Variants in SCPEP1 observed in about 807,000 individuals in gnomAD.
The protein encoded by SCPEP1 is retinoid-inducible serine carboxypeptidase.
A neutral mutation model predicts 63.8 loss-of-function variants in SCPEP1; 51 were observed. The observed-to-expected ratio is 0.80, with a 90% CI of 0.64 to 1.01. The LOEUF (loss-of-function observed/expected upper bound fraction) is 1.01. SCPEP1 is among the 50% of genes least tolerant of loss of function. SCPEP1 has a pLI of 0.00. For synonymous variants in SCPEP1, 204 were observed against 207.8 expected, an observed-to-expected ratio of 0.98 and a Z score of 0.16; for missense variants, 499 against 554.9, an observed-to-expected ratio of 0.90 and a Z score of 1.01.
intron 5 of SCPEP1, among the ~76,000 whole-genome samples, chr17:56,990,450 C>T (rs956012547): frequency 6.6e-6 from 1 of 152,096 alleles, no homozygotes; most frequent in African/African-American, 2.4e-5. Flanking sequence ...CTTCACCTTC[C>T]CACCTGATGG....
chr17:56,997,295 C>T (rs1567868548), intron 9 of SCPEP1, among the ~76,000 whole-genome samples: 1 of 152,166 alleles, frequency 6.6e-6, no homozygotes, highest in Non-Finnish European at 1.5e-5. Context: ...TTCTCATTCC[C>T]ACTCCCAGCC....
At chr17:56,995,777 T>C (rs1695484534) in intron 8 of SCPEP1, 142 bp downstream of exon 8, 1 of 937,718 alleles carries the variant, frequency 1.1e-6, no homozygotes, top group Admixed American at 3.4e-5. Context: ...ATAATAAATC[T>C]CTTGGGTCTA....
chr17:56,987,717 T>C lies in SCPEP1; in HGVS notation c.338T>C (p.Phe113Ser). Residue 113 changes from phenylalanine (F) to serine (S), a missense_variant, in exon 4 of 13, where the codon TTT becomes TCT. By Grantham distance (155) the Phe-to-Ser change is radical. Transcript: ENST00000262288. ...TAGCTCCAGGCTGCCAGTCTCCTAT[T>C]TGTGGATAATCCCGTGGGCACTGGG... ...TTWLQAASLLFVDNPVGTGFS... is the reference protein window; with the variant it reads ...TTWLQAASLLSVDNPVGTGFS... 6.2e-7 allele frequency: 1 copy of C among 1,613,936 alleles called. No individual in the cohort carries two copies. Among genetic ancestry groups the C allele is most frequent in the Non-Finnish European group, 8.5e-7 (1 of 1,179,960 alleles).
chr17:56,984,632 T>A (rs1245509453), intron 2 of SCPEP1: 1 of 152,292 alleles, frequency 6.6e-6, no homozygotes, highest in Non-Finnish European at 1.5e-5. Flanking sequence ...CAGAATCTGC[T>A]TGATCAAACT....
intron 11 of SCPEP1, among the ~76,000 whole-genome samples, chr17:57,001,470 C>G (rs943516186): frequency 6.6e-6 from 1 of 152,264 alleles, no homozygotes; most frequent in South Asian, 2.1e-4. Context: ...TTGCTCACTT[C>G]CAAATTAAAT....
chr17:56,987,977 C>T, intron 4 of SCPEP1, 127 bp downstream of exon 4: 1 of 1,096,614 alleles, frequency 9.1e-7, no homozygotes, highest in Non-Finnish European at 1.3e-6. Context: ...TTTTAATTCC[C>T]AAGATTGGGT....
chr17:56,982,464 T>C (rs2144467711), intron 2 of SCPEP1, among the ~76,000 whole-genome samples: 1 of 152,312 alleles, frequency 6.6e-6, no homozygotes, highest in Admixed American at 6.5e-5. Context: ...GAGCTGAGGC[T>C]CAGCCCCAGG....
chr17:56,987,838 CA>C lies in SCPEP1; in HGVS notation c.462del (p.Glu155AsnfsTer24). ...VLLKTFFSCH[K>X]EFQTVPFYIF... ...TCCTGAAGACCTTCTTCAGTTGCCA[CA>C]AAGAATTCCAGGTAAGCAAAGACTC... On this transcript the variant is annotated frameshift_variant, in exon 4 of 13. Coordinates refer to ENST00000262288, the MANE Select transcript of SCPEP1 (RefSeq NM_021626.3). LOFTEE classifies it high-confidence loss of function. 6.2e-7 allele frequency: 1 copy of C among 1,613,996 alleles called. No individual in the cohort carries two copies.
At chr17:57,006,118 C>A in intron 12 of SCPEP1, 55 bp from the exon 13 acceptor site, 1 of 1,461,540 alleles carries the variant, frequency 6.8e-7, no homozygotes, top group Non-Finnish European at 9.4e-7. Context: ...TTGCCTCTGA[C>A]CCCAGCCCCA....
intron 12 of SCPEP1, 134 bp downstream of exon 12, chr17:57,002,315 C>T (rs1342907737): frequency 4.5e-5 from 36 of 807,608 alleles, no homozygotes; most frequent in Admixed American, 1.7e-4. Flanking sequence ...TACAGTGGCT[C>T]ATGCCTGTAA....
At chr17:57,002,262 C>T in intron 12 of SCPEP1, 81 bp downstream of exon 12, 2 of 1,406,606 alleles carry the variant, frequency 1.4e-6, no homozygotes, top group African/African-American at 1.4e-5. Context: ...CTGTCCACTG[C>T]CCAGGTGGGT....
intron 7 of SCPEP1, 62 bp from the exon 8 acceptor site, chr17:56,995,445 A>G: frequency 6.4e-7 from 1 of 1,570,136 alleles, no homozygotes; most frequent in South Asian, 1.2e-5. Flanking sequence ...CCCTAACTGC[A>G]GCAATACCAG....
At chr17:56,982,898 A>T (rs1026277456) in intron 2 of SCPEP1, 2 of 152,142 alleles carry the variant, frequency 1.3e-5, no homozygotes, top group Non-Finnish European at 2.9e-5. Context: ...AAGAAGAAAG[A>T]TTATGCTTAC....
rs187893279 is a variant in SCPEP1, at chr17:57,003,666, G to A, written c.1296+1485G>A. Among the ~76,000 whole-genome samples the A allele has an allele frequency of 1.5e-4, 23 of 152,272 alleles. 1 individual carries two copies. The East Asian group carries it at 3.5e-3, about 23-fold the overall frequency. On this transcript the variant is annotated intron_variant, in intron 12 of 12. Coordinates refer to ENST00000262288, the MANE Select transcript of SCPEP1 (RefSeq NM_021626.3). Reference sequence around the variant, plus strand: ...AAGTGAGAAGGGAGACCAGGGATGCGTGGCATCCCCAAAGCAGGGAGGGGC... The same window carrying A: ...AAGTGAGAAGGGAGACCAGGGATGCATGGCATCCCCAAAGCAGGGAGGGGC...
chr17:57,002,277 T>C (rs2144509811), intron 12 of SCPEP1, 96 bp downstream of exon 12: 1 of 1,302,544 alleles, frequency 7.7e-7, no homozygotes, highest in Non-Finnish European at 1.1e-6. Flanking sequence ...GTGGGTCTTG[T>C]AGGAAGTACG....
intron 10 of SCPEP1, among the ~76,000 whole-genome samples, chr17:56,999,112 A>G (rs1198103271): frequency 6.6e-6 from 1 of 152,158 alleles, no homozygotes; most frequent in Non-Finnish European, 1.5e-5. Flanking sequence ...CTTTCTATCC[A>G]TTTGAAATTT....
intron 6 of SCPEP1, among the ~76,000 whole-genome samples, chr17:56,993,723 A>G (rs1486634369): frequency 1.3e-5 from 2 of 152,214 alleles, no homozygotes; most frequent in Non-Finnish European, 2.9e-5. Flanking sequence ...CTGGGATTAC[A>G]GGCGTGAGCC....
chr17:57,005,795 C>A (rs535048304), intron 12 of SCPEP1, among the ~76,000 whole-genome samples: 1 of 152,310 alleles, frequency 6.6e-6, no homozygotes, highest in South Asian at 2.1e-4. Flanking sequence ...ATTCTCAATC[C>A]GGGATCCCTT....
rs1424039922 is a variant in SCPEP1 at position 57,006,214 on chromosome 17, A to G, written c.1338A>G (p.Arg446=). Residue 446 remains arginine (R), a synonymous_variant, in exon 13 of 13, where the codon AGA becomes AGG. Coordinates refer to ENST00000262288, the MANE Select transcript of SCPEP1 (RefSeq NM_021626.3). The stretch of plus-strand genomic sequence containing the variant: ...GGGACATGGCTCTGAAGATGATGAG[A>G]CTGGTGACTCAGCAAGAATAGGATG... ...DQGDMALKMM[R]LVTQQE 7 of 1,611,596 alleles carry G rather than the reference A, an allele frequency of 4.3e-6. No individual in the cohort carries two copies. The highest frequency in any genetic ancestry group is 5.9e-6 in the Non-Finnish European group (7 of 1,178,976).
Sources: allele counts gnomAD v4.1 joint callset (sites outside exome capture counted in the v4.1 genomes callset), GRCh38; gene constraint gnomAD v4.1.1; transcripts MANE v1.5; gene names NCBI Gene and HGNC (gene_info 2026-07-23, HGNC 2026-07-21).